ADAM10: variants seen among roughly 807,000 people sequenced by gnomAD.
ADAM10 encodes the protein ADAM metallopeptidase domain 10, also known as disintegrin and metalloproteinase domain-containing protein 10.
ADAM10 carries 17 observed loss-of-function variants against 90.1 expected under a neutral mutation model. The observed-to-expected ratio is 0.19, with a 90% CI of 0.13 to 0.28. ADAM10 has a LOEUF of 0.28. Among genes scored for constraint, ADAM10 ranks in the 10% least tolerant of loss-of-function variants. The pLI, the probability that ADAM10 is intolerant of heterozygous loss-of-function variation, is 1.00. For missense variants in ADAM10, 610 were observed against 914.3 expected (o/e 0.67, Z 4.29); for synonymous variants, 310 against 298.6 (o/e 1.04, Z -0.40).
chr15:58,737,829 G>C (rs1009594136), intron 1 of ADAM10, among the ~76,000 whole-genome samples: 1 of 152,106 alleles, frequency 6.6e-6, no homozygotes, highest in Non-Finnish European at 1.5e-5. Context: ...AAAAAATACG[G>C]AATGAAAATT....
chr15:58,602,368 T>C (rs578028966), intron 14 of ADAM10, among the ~76,000 whole-genome samples: 1 of 152,094 alleles, frequency 6.6e-6, no homozygotes, highest in Non-Finnish European at 1.5e-5. Flanking sequence ...TGACATCCCA[T>C]GCCAGTCACT....
At chr15:58,672,068 A>C (rs1372585111) in intron 4 of ADAM10, among the ~76,000 whole-genome samples, 1 of 99,798 alleles carries the variant, frequency 1.0e-5, no homozygotes, top group African/African-American at 8.9e-5. Context: ...TGTAAAACAA[A>C]ATAAAAGATA....
rs1899910548 is a variant in ADAM10, at chr15:58,749,526, C to G, written c.9G>C (p.Leu3Phe). 6.4e-7 allele frequency: 1 copy of G among 1,553,656 alleles called. No individual in the cohort carries two copies. Among genetic ancestry groups the G allele is most frequent in the Admixed American group, 1.9e-5 (1 of 51,542 alleles). MV[L>F]LRVLILLLSW... ...AGAGGAGCAGAATTAACACTCTCAGCAACACCATCTTCCGCTGCCGCTGCC... is the reference window on the plus strand; with the variant it reads ...AGAGGAGCAGAATTAACACTCTCAGGAACACCATCTTCCGCTGCCGCTGCC... Residue 3 changes from leucine (L) to phenylalanine (F), a missense_variant, in exon 1 of 16, where the codon TTG becomes TTC. By Grantham distance (22) the Leu-to-Phe change is conservative. Around this residue, in one of 4 missense-constraint regions of ADAM10, gnomAD observed 310 missense variants for 362.4 expected, o/e 0.86. Coordinates refer to ENST00000260408, the MANE Select transcript of ADAM10 (RefSeq NM_001110.4).
chr15:58,656,515 T>G (rs1216524629), intron 5 of ADAM10, among the ~76,000 whole-genome samples: 1 of 152,186 alleles, frequency 6.6e-6, no homozygotes, highest in East Asian at 1.9e-4. Flanking sequence ...CCATGAGGCT[T>G]GCAAATACTA....
At chr15:58,743,992 T>C (rs1288478069) in intron 1 of ADAM10, among the ~76,000 whole-genome samples, 1 of 152,232 alleles carries the variant, frequency 6.6e-6, no homozygotes, top group Non-Finnish European at 1.5e-5. Context: ...ACCAATAATC[T>C]AGTATATTAG....
At chr15:58,708,238 G>A (rs748033486) in intron 2 of ADAM10, among the ~76,000 whole-genome samples, 1 of 152,100 alleles carries the variant, frequency 6.6e-6, no homozygotes, top group Non-Finnish European at 1.5e-5. Flanking sequence ...TTGACCAAGA[G>A]CACACAAAAT....
rs780500297 is a variant in ADAM10 at position 58,611,008 on chromosome 15, T to C, written c.1795A>G (p.Met599Val). 3 of 1,612,052 alleles carry C rather than the reference T, an allele frequency of 1.9e-6. No homozygotes were observed. Among genetic ancestry groups the C allele is most frequent in the African/African-American group, 1.3e-5 (1 of 75,026 alleles). ...DDKELCHVCC[M>V]KKMDPSTCAS... ...TTTTTAAAAGCCTTACTTTTCTTCA[T>C]ACAGCATACATGGCATAATTCTTTA... Residue 599 changes from methionine to valine, a missense_variant, in exon 13 of 16, where the codon ATG becomes GTG. Transcript: ENST00000260408.
At chr15:58,648,572 T>A (rs1896610125) in intron 5 of ADAM10, among the ~76,000 whole-genome samples, 1 of 152,046 alleles carries the variant, frequency 6.6e-6, no homozygotes. Flanking sequence ...GTCTGAAATA[T>A]GAAAAAGTGT....
intron 4 of ADAM10, among the ~76,000 whole-genome samples, chr15:58,667,942 GTGAT>G (rs1377257534): frequency 4.6e-5 from 7 of 151,962 alleles, no homozygotes; most frequent in Non-Finnish European, 1.0e-4. Flanking sequence ...AAAGCACAGA[GTGAT>G]TGTCCCTAGA....
chr15:58,609,967 AAAC>A (rs1895392522), intron 14 of ADAM10: 4 of 291,186 alleles, frequency 1.4e-5, no homozygotes, highest in Non-Finnish European at 2.6e-5. Context: ...TTGTCTTGAA[AAAC>A]AACAAAAAAA....
chr15:58,645,977 AACTT>A, intron 6 of ADAM10, 74 bp downstream of exon 6: 14 of 1,503,082 alleles, frequency 9.3e-6, no homozygotes, highest in Non-Finnish European at 1.2e-5. Context: ...AGAATACACT[AACTT>A]AAATTTTTAA....
chr15:58,726,949 G>C (rs889424740), intron 1 of ADAM10, among the ~76,000 whole-genome samples: 9 of 151,344 alleles, frequency 5.9e-5, no homozygotes, highest in Non-Finnish European at 1.3e-4. Context: ...AAGGGGAAGA[G>C]CAAGCAGAAG....
In ADAM10 at chr15:58,631,909, T is replaced by C. The variant is rs117962010; in HGVS notation, c.1176+1287A>G. ...TTAATAATAATCTATCAATTTCTGA[T>C]TGGGATGTAGAAGAAGAAAGACTTG... On this transcript the variant is annotated intron_variant, in intron 9 of 15. Transcript: ENST00000260408. 2.6e-5 allele frequency among the ~76,000 whole-genome samples: 4 copies of C among 152,302 alleles called. No homozygotes were observed. In the East Asian group the frequency reaches 5.8e-4, roughly 22 times the overall value.
At chr15:58,621,782 CAG>C (rs1345729160) in intron 10 of ADAM10, among the ~76,000 whole-genome samples, 161 bp from the exon 11 acceptor site, 3 of 152,138 alleles carry the variant, frequency 2.0e-5, no homozygotes, top group African/African-American at 7.2e-5. Flanking sequence ...CTAATTCTAA[CAG>C]GGGGTCTGCT....
intron 4 of ADAM10, among the ~76,000 whole-genome samples, chr15:58,666,133 C>T (rs1897078689): frequency 6.6e-6 from 1 of 151,400 alleles, no homozygotes; most frequent in African/African-American, 2.4e-5. Context: ...CCCTTTAATC[C>T]ACCAATGCTA....
intron 11 of ADAM10, among the ~76,000 whole-genome samples, chr15:58,613,771 A>T (rs1003982256): frequency 6.6e-6 from 1 of 152,270 alleles, no homozygotes; most frequent in African/African-American, 2.4e-5. Flanking sequence ...AAAGGAAGAA[A>T]GTCTATAAGA....
chr15:58,608,929 T>A (rs550277374), intron 14 of ADAM10, among the ~76,000 whole-genome samples: 13 of 152,260 alleles, frequency 8.5e-5, no homozygotes, highest in African/African-American at 3.1e-4. Flanking sequence ...AATTCTGAGA[T>A]CTCCTTTCGT....
intron 1 of ADAM10, among the ~76,000 whole-genome samples, chr15:58,729,101 T>TAATC (rs1186871067): frequency 6.6e-6 from 1 of 152,154 alleles, no homozygotes; most frequent in Non-Finnish European, 1.5e-5. Flanking sequence ...CTCACACATG[T>TAATC]AATCCCAGCA....
rs1401841481 is a variant in ADAM10 at position 58,593,857 on chromosome 15, AC to A, written c.*3689del. 2 of 152,258 alleles carry A rather than the reference AC, an allele frequency of 1.3e-5. No individual in the cohort carries two copies. Among genetic ancestry groups the A allele is most frequent in the Admixed American group, 6.5e-5 (1 of 15,290 alleles). The allele number at this position is 152,258 out of a possible 1,614,324, so 9.4% of individuals were successfully genotyped here. A position where few individuals can be genotyped will look rare whatever the true frequency, so the allele number is the denominator to read the frequency against. On this transcript the variant is annotated 3_prime_UTR_variant, in exon 16 of 16. Coordinates refer to ENST00000260408, the MANE Select transcript of ADAM10 (RefSeq NM_001110.4). ...ACATGTATATATCTAAGACACACAA[AC>A]AATATAGTAATATAAAACAGAAGGG...
Sources: allele counts gnomAD v4.1 joint callset (sites outside exome capture counted in the v4.1 genomes callset), GRCh38; gene constraint gnomAD v4.1.1; regional missense constraint gnomAD v4.1.1; transcripts MANE v1.5; gene names NCBI Gene and HGNC (gene_info 2026-07-23, HGNC 2026-07-21).